Variants in BOD1L1 observed in about 807,000 individuals in gnomAD.
BOD1L1 encodes the protein biorientation of chromosomes in cell division protein 1-like 1.
Under a neutral mutation model 240.7 loss-of-function variants are expected in BOD1L1, and 86 were observed. The observed-to-expected ratio is 0.36, with a 90% confidence interval of 0.30 to 0.43. The LOEUF is 0.43. BOD1L1 is among the 20% of genes least tolerant of loss of function. The pLI, the probability that BOD1L1 is intolerant of heterozygous loss-of-function variation, is 1.00. For missense variants in BOD1L1, 3,554 were observed against 3,643.5 expected, an observed-to-expected ratio of 0.98 and a Z score of 0.63; for synonymous variants, 1,268 against 1,272.3, an observed-to-expected ratio of 1.00 and a Z score of 0.07.
In BOD1L1 at chr4:13,587,779, TA is replaced by T; in HGVS notation, c.8281-9del. 1 of 1,530,074 alleles carries T rather than the reference TA, an allele frequency of 6.5e-7. No individual in the cohort carries two copies. The highest frequency in any genetic ancestry group is 8.9e-7 in the Non-Finnish European group (1 of 1,125,820). 94.8% of individuals were successfully genotyped at this position (1,530,074 alleles called of 1,614,324 possible). On this transcript the variant is annotated splice_polypyrimidine_tract_variant and intron_variant, in intron 15 of 25. Coordinates refer to ENST00000040738, the MANE Select transcript of BOD1L1 (RefSeq NM_148894.3). ...CCTTTCTTCCTCTTCAACCTGGAAT[TA>T]AGAATGACTATATCAAAGGCCATAG...
At chr4:13,607,074 T>A in intron 9 of BOD1L1, 43 bp downstream of exon 9, 1 of 1,314,000 alleles carries the variant, frequency 7.6e-7, no homozygotes, top group Non-Finnish European at 1.1e-6. Context: ...ACAGCCTATA[T>A]CTAACAAAAC....
Position 13,599,791 on chromosome 4 carries a change from T to G in BOD1L1, c.7109A>C (p.Lys2370Thr). ...TAGGCTGGGCATGGGGACCTTGTGCTTGCTCACTTCTGTGGCTGACAGGTC... is the reference window on the plus strand; with the variant it reads ...TAGGCTGGGCATGGGGACCTTGTGCGTGCTCACTTCTGTGGCTGACAGGTC... The part of the protein sequence containing the change: ...NGDLSATEVS[K>T]HKVPMPSLIA... Residue 2370 changes from lysine (K) to threonine (T), a missense_variant, in exon 10 of 26, where the codon AAG becomes ACG. Coordinates refer to ENST00000040738, the MANE Select transcript of BOD1L1 (RefSeq NM_148894.3). The G allele has an allele frequency of 1.2e-6, 2 of 1,614,022 alleles. No homozygotes were observed. The highest frequency in any genetic ancestry group is 1.7e-6 in the Non-Finnish European group (2 of 1,179,886).
chr4:13,618,867 T>TTA (rs35614839), intron 2 of BOD1L1, among the ~76,000 whole-genome samples: 9 of 146,734 alleles, frequency 6.1e-5, no homozygotes, highest in Non-Finnish European at 1.3e-4. Flanking sequence ...GTTTAACTGT[T>TTA]AAAAAAAAAA....
chr4:13,579,242 A>C (rs1029542915), intron 22 of BOD1L1, among the ~76,000 whole-genome samples: 3 of 152,210 alleles, frequency 2.0e-5, no homozygotes, highest in Non-Finnish European at 4.4e-5. Flanking sequence ...TGAAGTTATA[A>C]AGATTTCTTG....
chr4:13,601,877 CA>C lies in BOD1L1; in HGVS notation c.5022del (p.Glu1675LysfsTer23). 1 of 1,613,878 alleles carries C rather than the reference CA, an allele frequency of 6.2e-7. No individual in the cohort carries two copies. The highest frequency in any genetic ancestry group is 8.5e-7 in the Non-Finnish European group (1 of 1,179,772). On this transcript the variant is annotated frameshift_variant, in exon 10 of 26. Transcript: ENST00000040738. LOFTEE classifies it high-confidence loss of function. ...TCACTAATAAAAGTAATAGTTCCTTCAACTATTTCTGAGTCTCTACTTAAAG... is the reference window on the plus strand; with the variant it reads ...TCACTAATAAAAGTAATAGTTCCTTCACTATTTCTGAGTCTCTACTTAAAG... ...DGSLSRDSEI[V>X]EGTITFISEV...
In BOD1L1 at chr4:13,598,949, T is replaced by C. The variant is rs764489079; in HGVS notation, c.7951A>G (p.Ile2651Val). ...GCAATTAGGTACAGATTCTCACCTA[T>C]GTCACACACATTTTCTTCAGAAGAC... The part of the protein sequence containing the change: ...TVSSEENVCD[I>V]GNEESPLNVL... Residue 2651 changes from isoleucine (I) to valine (V), a missense_variant, in exon 10 of 26, where the codon ATA (isoleucine) becomes GTA (valine). Physicochemically the swap from Ile to Val is conservative, Grantham distance 29. This residue lies in a region of BOD1L1 where 3,393 missense variants were observed against 3,427.1 expected (regional missense o/e 0.99). Transcript: ENST00000040738. The C allele has an allele frequency of 1.1e-5, 17 of 1,602,074 alleles. No individual in the cohort carries two copies. The highest frequency in any genetic ancestry group is 8.9e-5 in the South Asian group (8 of 89,792).
At chr4:13,580,966 GT>G (rs1713177371) in intron 21 of BOD1L1, 53 bp downstream of exon 21, 4 of 1,484,824 alleles carry the variant, frequency 2.7e-6, no homozygotes, top group Non-Finnish European at 3.6e-6. Context: ...GCATTATACC[GT>G]TTTTCAGGTT....
intron 13 of BOD1L1, 55 bp from the exon 14 acceptor site, chr4:13,590,501 A>T: frequency 1.1e-6 from 1 of 886,926 alleles, no homozygotes; most frequent in Non-Finnish European, 1.7e-6. Flanking sequence ...ATTTAAAGGC[A>T]AAAAGAAAGA....
chr4:13,616,498 AC>A (rs1716605829), intron 2 of BOD1L1, among the ~76,000 whole-genome samples: 2 of 152,222 alleles, frequency 1.3e-5, no homozygotes, highest in South Asian at 4.1e-4. Flanking sequence ...AAATAAGAGA[AC>A]GTGAATTTAT....
chr4:13,617,393 C>T (rs1193564648), intron 2 of BOD1L1, among the ~76,000 whole-genome samples: 1 of 152,110 alleles, frequency 6.6e-6, no homozygotes, highest in Non-Finnish European at 1.5e-5. Flanking sequence ...TGCTTTAGTC[C>T]TTTCTCACAC....
Position 13,603,093 on chromosome 4 carries a change from A to T in BOD1L1, c.3807T>A (p.Asp1269Glu), listed in dbSNP as rs1366886895. 2.5e-6 allele frequency: 4 copies of T among 1,613,888 alleles called. No homozygotes were observed. In the South Asian group the frequency reaches 4.4e-5, roughly 18 times the overall value. Reference sequence around the variant, plus strand: ...AATTTGTGGAATGTTCAAGAGTGGCATCTCCTTGAGCAACATGTTCTTCAG... The same window carrying T: ...AATTTGTGGAATGTTCAAGAGTGGCTTCTCCTTGAGCAACATGTTCTTCAG... Reference protein sequence around the residue: ...TAAEEHVAQGDATLEHSTNLD... With the variant: ...TAAEEHVAQGEATLEHSTNLD... The change falls in exon 10 of 26, where the codon GAT becomes GAA. Residue 1269 changes from aspartate (D) to glutamate (E), a missense_variant. Physicochemically the swap from Asp to Glu is conservative, Grantham distance 45 (BLOSUM62 2). Transcript: ENST00000040738.
At chr4:13,623,600 G>A (rs1487995461) in intron 1 of BOD1L1, 2 of 152,220 alleles carry the variant, frequency 1.3e-5, no homozygotes, top group East Asian at 3.9e-4. Flanking sequence ...GGGCTGATTT[G>A]GTCTGTTACA....
In BOD1L1 at chr4:13,614,533, C is replaced by A; in HGVS notation, c.837G>T (p.Glu279Asp). 1 of 1,613,952 alleles carries A rather than the reference C, an allele frequency of 6.2e-7. No homozygotes were observed. Among genetic ancestry groups the A allele is most frequent in the Non-Finnish European group, 8.5e-7 (1 of 1,179,870 alleles). The change falls in exon 4 of 26, where the codon GAG becomes GAT. Residue 279 changes from glutamate (E) to aspartate (D), a missense_variant. Physicochemically the swap from Glu to Asp is conservative, Grantham distance 45. This residue lies in a region of BOD1L1 where 3,393 missense variants were observed against 3,427.1 expected (regional missense o/e 0.99). Coordinates refer to ENST00000040738, the MANE Select transcript of BOD1L1 (RefSeq NM_148894.3). ...EGLETAPKSE[E>D]FSDLPCPVEE... ...CGACTGGACAGGGGAGGTCGCTGAA[C>A]TCTTCAGACTTTGGGGCTGTTTCCA...
At chr4:13,619,212 G>A (rs1476183360) in intron 2 of BOD1L1, among the ~76,000 whole-genome samples, 1 of 150,644 alleles carries the variant, frequency 6.6e-6, no homozygotes, top group Non-Finnish European at 1.5e-5. Context: ...GGAGGATGAC[G>A]TTGGGAGGTC....
intron 2 of BOD1L1, among the ~76,000 whole-genome samples, chr4:13,618,275 T>C (rs752675656): frequency 1.3e-5 from 2 of 152,214 alleles, no homozygotes; most frequent in Non-Finnish European, 2.9e-5. Context: ...CAAAAAAACA[T>C]GCTTTTAAAG....
At chr4:13,592,749 G>A (rs1023132567) in intron 12 of BOD1L1, 1 of 152,054 alleles carries the variant, frequency 6.6e-6, no homozygotes, top group Non-Finnish European at 1.5e-5. Context: ...CACTTCTTAC[G>A]AGTCTTCTGA....
intron 19 of BOD1L1, among the ~76,000 whole-genome samples, chr4:13,581,484 G>A (rs766006673): frequency 5.3e-5 from 8 of 152,188 alleles, no homozygotes; most frequent in Non-Finnish European, 1.2e-4. Context: ...TTTTACTTCT[G>A]TAATAAGTAT....
rs754115753 is a variant in BOD1L1 at position 13,604,279 on chromosome 4, T to C, written c.2621A>G (p.Asp874Gly). ...GTTAGTGGAGTCCATATCACACTTA[T>C]CTTCCGAATAACTTTCACTTCTTCT... ...LQRRSESYSE[D>G]KCDMDSTNMD... is the part of the protein sequence containing the mutation. Residue 874 changes from aspartate (D) to glycine (G), a missense_variant, in exon 10 of 26, where the codon GAT becomes GGT. Coordinates refer to ENST00000040738, the MANE Select transcript of BOD1L1 (RefSeq NM_148894.3). 18 of 1,608,262 alleles carry C rather than the reference T, an allele frequency of 1.1e-5. No homozygotes were observed. The Admixed American group carries it at 2.2e-4, about 20-fold the overall frequency.
chr4:13,579,212 T>C (rs763980261), intron 22 of BOD1L1, among the ~76,000 whole-genome samples: 51 of 152,312 alleles, frequency 3.3e-4, no homozygotes, highest in South Asian at 1.2e-3. Context: ...ACAGCTTTAA[T>C]TGGAGTCCTT....
Sources: gnomAD v4.1 joint callset for allele counts (sites outside exome capture counted in the v4.1 genomes callset) on GRCh38, gnomAD v4.1.1 for gene constraint, gnomAD v4.1.1 regional missense constraint, MANE v1.5 for transcripts, NCBI Gene and HGNC (gene_info 2026-07-23, HGNC 2026-07-21) for gene names.